The following GORASP2 variants were observed in gnomAD, a reference collection of about 807,000 sequenced individuals.
GORASP2 encodes Golgi reassembly-stacking protein 2.
A neutral mutation model predicts 45.7 loss-of-function variants in GORASP2; 22 were observed. That is an observed-to-expected ratio of 0.48 (90% confidence interval 0.34 to 0.69). The LOEUF (loss-of-function observed/expected upper bound fraction) is 0.69, where lower values mean the gene tolerates loss of function less well. Ranked by LOEUF, GORASP2 falls within the 30% of genes least tolerant of loss-of-function variation. GORASP2 has a pLI of 0.01. For synonymous variants in GORASP2, 221 were observed against 215.6 expected, an observed-to-expected ratio of 1.02 and a Z score of -0.22; for missense variants, 491 against 562.7, an observed-to-expected ratio of 0.87 and a Z score of 1.29.
chr2:170,964,892 A>ATTT (rs1199571345), intron 9 of GORASP2, among the ~76,000 whole-genome samples: 814 of 64,720 alleles, frequency 0.013, 102 homozygotes, highest in African/African-American at 0.016. Flanking sequence ...ATGCATTTTA[A>ATTT]TTTTTTTTTT....
intron 1 of GORASP2, among the ~76,000 whole-genome samples, chr2:170,938,424 T>A (rs1165982884): frequency 6.6e-6 from 1 of 152,256 alleles, no homozygotes; most frequent in African/African-American, 2.4e-5. Context: ...TTTAGTCATA[T>A]AGGCACACAC....
intron 1 of GORASP2, among the ~76,000 whole-genome samples, chr2:170,944,542 A>G (rs1004424571): frequency 2.0e-5 from 3 of 152,242 alleles, no homozygotes; most frequent in African/African-American, 7.2e-5. Flanking sequence ...TAGCTATTGA[A>G]TCATTTTTGA....
At chr2:170,939,755 A>G (rs1366877808) in intron 1 of GORASP2, among the ~76,000 whole-genome samples, 2 of 152,200 alleles carry the variant, frequency 1.3e-5, no homozygotes, top group African/African-American at 2.4e-5. Flanking sequence ...AGGGACTACT[A>G]TAGCTCCCTC....
chr2:170,951,659 TC>T (rs1704303825), intron 5 of GORASP2: 3 of 344,078 alleles, frequency 8.7e-6, no homozygotes, highest in Non-Finnish European at 1.6e-5. Context: ...TATACTATAG[TC>T]CTTTTCTTTA....
At chr2:170,952,869 C>A (rs1425828041) in intron 5 of GORASP2, among the ~76,000 whole-genome samples, 1 of 152,068 alleles carries the variant, frequency 6.6e-6, no homozygotes, top group Non-Finnish European at 1.5e-5. Context: ...AGAGATGGGG[C>A]CTTGCTTTGT....
rs762027848 is a variant in GORASP2 at position 170,966,275 on chromosome 2, C to A, written c.*145C>A. On this transcript the variant is annotated 3_prime_UTR_variant, in exon 10 of 10. Coordinates refer to ENST00000234160, the MANE Select transcript of GORASP2 (RefSeq NM_015530.5). ...TTCCAAGGGGAAAACTAAACGAGGACGTGGGTTGTATCCTGCCAGGTTGAG... is the reference window on the plus strand; with the variant it reads ...TTCCAAGGGGAAAACTAAACGAGGAAGTGGGTTGTATCCTGCCAGGTTGAG... 1.5e-6 allele frequency: 1 copy of A among 669,668 alleles called. No homozygotes were observed. Among genetic ancestry groups the A allele is most frequent in the Non-Finnish European group, 2.6e-6 (1 of 379,494 alleles). 41.5% of individuals were successfully genotyped at this position (669,668 alleles called of 1,614,324 possible). A position where few individuals can be genotyped will look rare whatever the true frequency, so the allele number is the denominator to read the frequency against.
At chr2:170,944,178 A>G (rs1174886725) in intron 1 of GORASP2, among the ~76,000 whole-genome samples, 1 of 152,212 alleles carries the variant, frequency 6.6e-6, no homozygotes, top group Non-Finnish European at 1.5e-5. Context: ...TGCTTGAGAG[A>G]TTACGTGCCA....
intron 6 of GORASP2, among the ~76,000 whole-genome samples, chr2:170,956,169 A>C (rs1704423400): frequency 6.6e-6 from 1 of 152,212 alleles, no homozygotes; most frequent in African/African-American, 2.4e-5. Context: ...CTAGTGTGGA[A>C]GTATGAAGAA....
At chr2:170,940,751 T>G (rs202076439) in intron 1 of GORASP2, among the ~76,000 whole-genome samples, 4 of 152,142 alleles carry the variant, frequency 2.6e-5, no homozygotes, top group African/African-American at 9.7e-5. Flanking sequence ...AAAATGTATT[T>G]TCCATTGCAA....
chr2:170,945,954 T>A (rs1019793429), intron 1 of GORASP2, among the ~76,000 whole-genome samples: 2 of 152,230 alleles, frequency 1.3e-5, no homozygotes, highest in Non-Finnish European at 2.9e-5. Context: ...TGGACTATTA[T>A]AGAAAGTCAA....
chr2:170,948,597 A>G (rs1704229625), intron 2 of GORASP2, 167 bp downstream of exon 2: 1 of 517,298 alleles, frequency 1.9e-6, no homozygotes, highest in Non-Finnish European at 3.3e-6. Context: ...CTATAATATT[A>G]TACCTTATGC....
At chr2:170,949,804 C>T (rs931666576) in intron 3 of GORASP2, 62 bp downstream of exon 3, 13 of 1,322,520 alleles carry the variant, frequency 9.8e-6, no homozygotes, top group Admixed American at 1.7e-5. Context: ...GATGTTTTAA[C>T]AATGGTTGTT....
chr2:170,942,072 T>C (rs1704088952), intron 1 of GORASP2, among the ~76,000 whole-genome samples: 2 of 152,212 alleles, frequency 1.3e-5, no homozygotes. Context: ...CATTGTGGTT[T>C]TAATTTGCAT....
rs767015483 is a variant in GORASP2, at chr2:170,950,231, C to T, written c.376C>T (p.Leu126=). 3 of 1,577,954 alleles carry T rather than the reference C, an allele frequency of 1.9e-6. No individual in the cohort carries two copies. In the Admixed American group the frequency reaches 5.3e-5, roughly 28 times the overall value. The change falls in exon 4 of 10, where the codon CTG becomes TTG. Residue 126 remains leucine (L), a synonymous_variant. Coordinates refer to ENST00000234160, the MANE Select transcript of GORASP2 (RefSeq NM_015530.5). ...GGTGGAATCAAATTCTCCTGCAGCACTGGCAGGTCTTAGACCACACAGTGA... is the reference window on the plus strand; with the variant it reads ...GGTGGAATCAAATTCTCCTGCAGCATTGGCAGGTCTTAGACCACACAGTGA... ...LEVESNSPAA[L]AGLRPHSDYI...
chr2:170,933,766 CTG>C (rs1437337414), intron 1 of GORASP2, among the ~76,000 whole-genome samples: 6 of 152,142 alleles, frequency 3.9e-5, no homozygotes, highest in African/African-American at 9.7e-5. Flanking sequence ...AGTGTGGAGA[CTG>C]TGTGGAGTGT....
intron 1 of GORASP2, 38 bp downstream of exon 1, chr2:170,929,441 GA>G: frequency 7.5e-7 from 1 of 1,333,114 alleles, no homozygotes; most frequent in Non-Finnish European, 9.6e-7. Context: ...CTGCGGGCTG[GA>G]GGCGGGGCCG....
At chr2:170,934,570 AAC>A (rs1240235829) in intron 1 of GORASP2, among the ~76,000 whole-genome samples, 1 of 152,042 alleles carries the variant, frequency 6.6e-6, no homozygotes, top group African/African-American at 2.4e-5. Context: ...CTCATCCCCT[AAC>A]ACAGAAATCT....
intron 1 of GORASP2, among the ~76,000 whole-genome samples, chr2:170,931,492 A>G (rs1703822056): frequency 6.6e-6 from 1 of 152,220 alleles, no homozygotes; most frequent in Non-Finnish European, 1.5e-5. Context: ...TGGCAGGAAA[A>G]TTTTGAATAA....
intron 2 of GORASP2, among the ~76,000 whole-genome samples, chr2:170,948,998 G>GT (rs1704238055): frequency 6.6e-6 from 1 of 152,160 alleles, no homozygotes; most frequent in Non-Finnish European, 1.5e-5. Context: ...TTAATTTTTC[G>GT]TAACAGTCTT....
Sources: gnomAD v4.1 joint callset for allele counts (sites outside exome capture counted in the v4.1 genomes callset) on GRCh38, gnomAD v4.1.1 for gene constraint, MANE v1.5 for transcripts, NCBI Gene and HGNC (gene_info 2026-07-23, HGNC 2026-07-21) for gene names.